Variants in MMS22L observed in about 807,000 individuals in gnomAD.
The protein encoded by MMS22L is protein MMS22-like.
MMS22L carries 74 observed loss-of-function variants against 159.1 expected under a neutral mutation model. That is an observed-to-expected ratio of 0.47 (90% confidence interval 0.39 to 0.56). The LOEUF (loss-of-function observed/expected upper bound fraction) is 0.56. MMS22L is among the 20% of genes least tolerant of loss of function. The pLI is 0.00. For synonymous variants in MMS22L, 517 were observed against 506.9 expected, an observed-to-expected ratio of 1.02 and a Z score of -0.27; for missense variants, 1,351 against 1,422.1, an observed-to-expected ratio of 0.95 and a Z score of 0.80.
chr6:97,271,989 A>C (rs1416850678), intron 6 of MMS22L: 2 of 152,220 alleles, frequency 1.3e-5, no homozygotes, highest in Non-Finnish European at 1.5e-5. Context: ...TATTTTAACA[A>C]AGATATATTC....
chr6:97,196,859 T>C (rs1806575798), intron 14 of MMS22L, among the ~76,000 whole-genome samples: 1 of 152,146 alleles, frequency 6.6e-6, no homozygotes, highest in African/African-American at 2.4e-5. Context: ...TACACATATA[T>C]AGATACATAA....
intron 19 of MMS22L, among the ~76,000 whole-genome samples, chr6:97,170,888 T>G (rs1803475706): frequency 6.6e-6 from 1 of 151,960 alleles, no homozygotes; most frequent in South Asian, 2.1e-4. Flanking sequence ...ACATCTGCAG[T>G]CCCAGCTACT....
At chr6:97,229,543 CTTTT>C in intron 13 of MMS22L, 140 bp from the exon 14 acceptor site, 1 of 634,528 alleles carries the variant, frequency 1.6e-6, no homozygotes, top group South Asian at 2.5e-5. Context: ...TGCCTTGTCA[CTTTT>C]TTTACTTAGA....
chr6:97,213,923 A>G (rs1384774307), intron 14 of MMS22L, among the ~76,000 whole-genome samples: 1 of 152,156 alleles, frequency 6.6e-6, no homozygotes, highest in Non-Finnish European at 1.5e-5. Context: ...CTACAGAACT[A>G]CAGCTTTGTT....
chr6:97,149,061 G>A (rs183246553), intron 24 of MMS22L, among the ~76,000 whole-genome samples: 1 of 152,246 alleles, frequency 6.6e-6, no homozygotes, highest in East Asian at 1.9e-4. Context: ...TAGCCTAGGA[G>A]CAATAGGCCA....
intron 9 of MMS22L, among the ~76,000 whole-genome samples, chr6:97,255,584 TTTC>T (rs774272660): frequency 2.4e-4 from 37 of 152,120 alleles, no homozygotes; most frequent in Admixed American, 3.9e-4. Flanking sequence ...ATTTGCAATC[TTTC>T]TTTTTTCCTG....
chr6:97,234,625 T>G (rs184197147), intron 11 of MMS22L, among the ~76,000 whole-genome samples: 2 of 152,248 alleles, frequency 1.3e-5, no homozygotes, highest in Admixed American at 1.3e-4. Context: ...GGACAACAAG[T>G]AAGTCAGAGA....
chr6:97,181,605 C>A (rs1804715170), intron 16 of MMS22L, among the ~76,000 whole-genome samples: 1 of 152,054 alleles, frequency 6.6e-6, no homozygotes, highest in Non-Finnish European at 1.5e-5. Context: ...TGTGTAATTT[C>A]TTTCACAGTG....
chr6:97,278,327 C>T (rs907388201), intron 4 of MMS22L, among the ~76,000 whole-genome samples: 16 of 150,140 alleles, frequency 1.1e-4, no homozygotes, highest in East Asian at 2.0e-4. Context: ...CACTTGAACC[C>T]GGGGGGCAGA....
chr6:97,203,452 G>C (rs1357328363), intron 14 of MMS22L, among the ~76,000 whole-genome samples: 5 of 152,182 alleles, frequency 3.3e-5, no homozygotes, highest in Non-Finnish European at 5.9e-5. Context: ...GCCTGCTTGT[G>C]TTGAGTAAAC....
At chr6:97,213,796 T>A (rs1005386226) in intron 14 of MMS22L, among the ~76,000 whole-genome samples, 1 of 152,128 alleles carries the variant, frequency 6.6e-6, no homozygotes, top group Non-Finnish European at 1.5e-5. Flanking sequence ...AATAGTGGGG[T>A]ACCTATACTA....
intron 22 of MMS22L, among the ~76,000 whole-genome samples, chr6:97,155,333 C>T (rs1236176352): frequency 6.6e-6 from 1 of 151,818 alleles, no homozygotes; most frequent in Non-Finnish European, 1.5e-5. Context: ...GTTATTATTA[C>T]TATAAGTTCT....
At chr6:97,172,891 G>C (rs370897137) in intron 19 of MMS22L, among the ~76,000 whole-genome samples, 172 bp downstream of exon 19, 3 of 152,140 alleles carry the variant, frequency 2.0e-5, no homozygotes, top group Non-Finnish European at 2.9e-5. Flanking sequence ...GAGCAAGACA[G>C]AGATACATTT....
chr6:97,188,780 T>G (rs1201732754), intron 14 of MMS22L, among the ~76,000 whole-genome samples: 1 of 151,960 alleles, frequency 6.6e-6, no homozygotes, highest in Non-Finnish European at 1.5e-5. Context: ...ACCAACATGG[T>G]GAAATCCCCT....
intron 22 of MMS22L, among the ~76,000 whole-genome samples, chr6:97,160,923 T>G (rs1802373909): frequency 6.6e-6 from 1 of 151,994 alleles, no homozygotes; most frequent in Non-Finnish European, 1.5e-5. Context: ...AAATTTCCAT[T>G]TGGTTCTTTT....
chr6:97,247,286 C>T (rs546715426), intron 10 of MMS22L, among the ~76,000 whole-genome samples: 3 of 152,302 alleles, frequency 2.0e-5, no homozygotes, highest in South Asian at 2.1e-4. Flanking sequence ...GCCTGGAAGA[C>T]ATTCTCACAG....
At chr6:97,227,051 TTTGTAAAATGATAATA>T (rs1479348202) in intron 14 of MMS22L, among the ~76,000 whole-genome samples, 1 of 152,144 alleles carries the variant, frequency 6.6e-6, no homozygotes, top group East Asian at 1.9e-4. Flanking sequence ...TTGTCCCCCA[TTTGTAAAATGATAATA>T]TATTACACAA....
chr6:97,168,843 T>C (rs1803242229), intron 19 of MMS22L, among the ~76,000 whole-genome samples: 4 of 152,080 alleles, frequency 2.6e-5, no homozygotes, highest in Admixed American at 2.6e-4. Flanking sequence ...GATGCCCAAA[T>C]GCAAATTAAC....
At chr6:97,237,177 G>A (rs780438444) in intron 11 of MMS22L, among the ~76,000 whole-genome samples, 2 of 151,986 alleles carry the variant, frequency 1.3e-5, no homozygotes, top group African/African-American at 4.8e-5. Flanking sequence ...AGGTAGATAA[G>A]GCAAGTAAAA....
Sources: gnomAD v4.1 joint callset for allele counts (sites outside exome capture counted in the v4.1 genomes callset) on GRCh38, gnomAD v4.1.1 for gene constraint, MANE v1.5 for transcripts, NCBI Gene and HGNC (gene_info 2026-07-23, HGNC 2026-07-21) for gene names.